Variants in POU2F1 observed in about 807,000 individuals in gnomAD.
POU2F1 encodes POU class 2 homeobox 1.
In POU2F1, 16 loss-of-function variants were observed where a neutral mutation model predicts 84.9. The ratio of observed to expected loss-of-function variants is 0.19; its 90% CI spans 0.13 to 0.29. The LOEUF (loss-of-function observed/expected upper bound fraction) is 0.29. Ranked by LOEUF, POU2F1 falls within the 10% of genes least tolerant of loss-of-function variation. The pLI, the probability that POU2F1 is intolerant of heterozygous loss-of-function variation, is 1.00. For missense variants in POU2F1, 738 were observed against 942.6 expected (o/e 0.78, Z 2.84); for synonymous variants, 368 against 368.3 (o/e 1.00, Z 0.01).
In POU2F1 at chr1:167,412,243, G is replaced by T; in HGVS notation, c.1840G>T (p.Ala614Ser). The T allele has an allele frequency of 6.3e-7, 1 of 1,597,812 alleles. No homozygotes were observed. The highest frequency in any genetic ancestry group is 8.5e-7 in the Non-Finnish European group (1 of 1,171,746). Residue 614 changes from alanine (A) to serine (S), a missense_variant, in exon 14 of 16, where the codon GCC (alanine) becomes TCC (serine). Physicochemically the swap from Ala to Ser is moderately conservative, Grantham distance 99. Transcript: ENST00000367866. ...AQLPANASLA[A>S]MAAAAGLNPS... ...GTTGCCAGCAAATGCCAGTCTTGCT[G>T]CCATGGCAGCTGCTGCAGGACTAAA...
chr1:167,268,341 AG>A (rs1457146012), intron 1 of POU2F1, among the ~76,000 whole-genome samples: 1 of 152,212 alleles, frequency 6.6e-6, no homozygotes, highest in Non-Finnish European at 1.5e-5. Flanking sequence ...AACTGGCAGT[AG>A]AACTAATTTT....
intron 2 of POU2F1, among the ~76,000 whole-genome samples, chr1:167,350,734 C>G (rs976256688): frequency 6.6e-6 from 1 of 151,250 alleles, no homozygotes; most frequent in African/African-American, 2.4e-5. Flanking sequence ...CACGGTGGCT[C>G]ATGCCTATAA....
chr1:167,331,213 A>G (rs2101726428), intron 1 of POU2F1, among the ~76,000 whole-genome samples: 1 of 152,240 alleles, frequency 6.6e-6, no homozygotes, highest in South Asian at 2.1e-4. Context: ...AGCATCAGTT[A>G]CAGAAACTTT....
At chr1:167,261,638 T>C (rs1651575315) in intron 1 of POU2F1, among the ~76,000 whole-genome samples, 1 of 152,252 alleles carries the variant, frequency 6.6e-6, no homozygotes. Flanking sequence ...ACTTGTTATC[T>C]GTACCAGCTC....
At chr1:167,383,608 A>G (rs1647729787) in intron 7 of POU2F1, 3 of 291,046 alleles carry the variant, frequency 1.0e-5, no homozygotes, top group Admixed American at 4.8e-5. Flanking sequence ...TAAAGGATTG[A>G]CCTATCACAG....
intron 13 of POU2F1, among the ~76,000 whole-genome samples, chr1:167,409,132 C>T (rs1156479476): frequency 6.6e-6 from 1 of 152,130 alleles, no homozygotes; most frequent in Non-Finnish European, 1.5e-5. Flanking sequence ...AGATTTTGTC[C>T]TACTTTATTT....
intron 13 of POU2F1, among the ~76,000 whole-genome samples, chr1:167,403,368 C>T (rs1649340510): frequency 6.6e-6 from 1 of 152,216 alleles, no homozygotes; most frequent in South Asian, 2.1e-4. Flanking sequence ...ACCTGACCCA[C>T]AAAAACTATG....
intron 1 of POU2F1, among the ~76,000 whole-genome samples, chr1:167,260,458 C>T (rs1651474190): frequency 6.6e-6 from 1 of 152,146 alleles, no homozygotes; most frequent in African/African-American, 2.4e-5. Context: ...TCCAGATCTT[C>T]AGATTCTCGT....
At chr1:167,329,253 C>T in intron 1 of POU2F1, 1 of 1,547,454 alleles carries the variant, frequency 6.5e-7, no homozygotes, top group Non-Finnish European at 8.7e-7. Context: ...TTTGGACTCT[C>T]TGCTCCTCTA....
At chr1:167,242,473 C>CT (rs890790410) in intron 1 of POU2F1, among the ~76,000 whole-genome samples, 5 of 152,330 alleles carry the variant, frequency 3.3e-5, no homozygotes, top group African/African-American at 1.2e-4. Flanking sequence ...CAGAAAGACT[C>CT]TAAGACCAGC....
chr1:167,303,976 T>G (rs1281574590), intron 1 of POU2F1, among the ~76,000 whole-genome samples: 1 of 151,896 alleles, frequency 6.6e-6, no homozygotes, highest in African/African-American at 2.4e-5. Context: ...AAAATTAATG[T>G]AGTAATGAGA....
intron 8 of POU2F1, among the ~76,000 whole-genome samples, chr1:167,388,271 G>A (rs773706200): frequency 6.6e-6 from 1 of 152,178 alleles, no homozygotes; most frequent in Non-Finnish European, 1.5e-5. Context: ...AATTAAAGCA[G>A]CAGGGAACTA....
Position 167,416,782 on chromosome 1 carries a change from C to T in POU2F1, c.*972C>T, listed in dbSNP as rs1650344079. ...ATTGAATGACCCTGAGGCCCAGTTC[C>T]TGTGGTGCAACAGTGCTGCTTTCTG... On this transcript the variant is annotated 3_prime_UTR_variant, in exon 16 of 16. Coordinates refer to ENST00000367866, the MANE Select transcript of POU2F1 (RefSeq NM_002697.4). 2 of 152,306 alleles carry T rather than the reference C, an allele frequency of 1.3e-5. No individual in the cohort carries two copies. The highest frequency in any genetic ancestry group is 4.8e-5 in the African/African-American group (2 of 41,432). The allele number at this position is 152,306 out of a possible 1,614,324, so 9.4% of individuals were successfully genotyped here. A position where few individuals can be genotyped will look rare whatever the true frequency, so the allele number is the denominator to read the frequency against.
intron 13 of POU2F1, among the ~76,000 whole-genome samples, chr1:167,404,469 G>A (rs1297013169): frequency 2.0e-5 from 3 of 152,170 alleles, no homozygotes; most frequent in African/African-American, 7.2e-5. Flanking sequence ...GCAGGCAAGC[G>A]AGGCTTTCTG....
In POU2F1 at chr1:167,425,960, G is replaced by C. The variant is rs765273406; in HGVS notation, c.*10150G>C. Reference sequence around the variant, plus strand: ...TAGATGCCTGTGACTTTTTAACTTGGGGGGTGGGGGGATTGCAAATGAAGG... The same window carrying C: ...TAGATGCCTGTGACTTTTTAACTTGCGGGGTGGGGGGATTGCAAATGAAGG... On this transcript the variant is annotated 3_prime_UTR_variant, in exon 16 of 16. Transcript: ENST00000367866. 6.7e-6 allele frequency: 1 copy of C among 149,966 alleles called. No individual in the cohort carries two copies. Among genetic ancestry groups the C allele is most frequent in the Non-Finnish European group, 1.5e-5 (1 of 67,598 alleles). The allele number at this position is 149,966 out of a possible 1,614,324, so 9.3% of individuals were successfully genotyped here. A position where few individuals can be genotyped will look rare whatever the true frequency, so the allele number is the denominator to read the frequency against.
At chr1:167,340,836 A>G (rs1376198225) in intron 2 of POU2F1, among the ~76,000 whole-genome samples, 1 of 152,230 alleles carries the variant, frequency 6.6e-6, no homozygotes, top group Non-Finnish European at 1.5e-5. Context: ...TAGAGAAAAC[A>G]TATATGAAAA....
chr1:167,291,657 ATTTTT>A (rs1402837207), intron 1 of POU2F1, among the ~76,000 whole-genome samples: 1 of 152,138 alleles, frequency 6.6e-6, no homozygotes, highest in Non-Finnish European at 1.5e-5. Context: ...GGAAAAACAC[ATTTTT>A]TAAGGTTTTA....
rs939674739 is a variant in POU2F1 at position 167,426,734 on chromosome 1, T to G, written c.*10924T>G. Reference sequence around the variant, plus strand: ...TTTTATGTACTTTAAAATGTGAGTTTGAGTTCTTCTTTGTGGAAACTTAAG... The same window carrying G: ...TTTTATGTACTTTAAAATGTGAGTTGGAGTTCTTCTTTGTGGAAACTTAAG... On this transcript the variant is annotated 3_prime_UTR_variant, in exon 16 of 16. Coordinates refer to ENST00000367866, the MANE Select transcript of POU2F1 (RefSeq NM_002697.4). The G allele has an allele frequency of 2.0e-5, 3 of 152,268 alleles. No individual in the cohort carries two copies. Among genetic ancestry groups the G allele is most frequent in the African/African-American group, 7.2e-5 (3 of 41,472 alleles). The allele number at this position is 152,268 out of a possible 1,614,324, so 9.4% of individuals were successfully genotyped here. A position where few individuals can be genotyped will look rare whatever the true frequency, so the allele number is the denominator to read the frequency against.
intron 4 of POU2F1, among the ~76,000 whole-genome samples, chr1:167,370,783 A>C (rs1659958049): frequency 6.6e-6 from 1 of 152,228 alleles, no homozygotes; most frequent in African/African-American, 2.4e-5. Flanking sequence ...TAGGCTTCTA[A>C]TAATTGTAAT....
Sources: gnomAD v4.1 joint callset for allele counts (sites outside exome capture counted in the v4.1 genomes callset) on GRCh38, gnomAD v4.1.1 for gene constraint, MANE v1.5 for transcripts, NCBI Gene and HGNC (gene_info 2026-07-23, HGNC 2026-07-21) for gene names.